The following HELZ variants were observed in gnomAD, a reference collection of about 807,000 sequenced individuals.
The protein encoded by HELZ is helicase with zinc finger.
HELZ carries 23 observed loss-of-function variants against 218.2 expected under a neutral mutation model. That is an observed-to-expected ratio of 0.11 (90% CI 0.08 to 0.15). HELZ has a LOEUF of 0.15. HELZ is among the 10% of genes least tolerant of loss of function. The pLI is 1.00. For synonymous variants in HELZ, 814 were observed against 829.4 expected (o/e 0.98, Z 0.32); for missense variants, 1,813 against 2,353.7 (o/e 0.77, Z 4.75).
intron 10 of HELZ, 61 bp from the exon 11 acceptor site, chr17:67,189,757 T>C: frequency 1.9e-6 from 2 of 1,078,812 alleles, no homozygotes; most frequent in Non-Finnish European, 2.9e-6. Context: ...CAAAATCTTT[T>C]AGCATGGAAA....
At chr17:67,091,440 A>G (rs774770179) in intron 31 of HELZ, among the ~76,000 whole-genome samples, 2 of 152,146 alleles carry the variant, frequency 1.3e-5, no homozygotes, top group Non-Finnish European at 2.9e-5. Flanking sequence ...CTCCTTTATA[A>G]AAGAAAAATA....
intron 3 of HELZ, among the ~76,000 whole-genome samples, chr17:67,235,980 TC>T (rs748910414): frequency 2.7e-4 from 41 of 152,160 alleles, no homozygotes; most frequent in Non-Finnish European, 5.6e-4. Context: ...CAGGATGGTC[TC>T]GATCTCCTGA....
At chr17:67,179,005 T>TTACATA in intron 12 of HELZ, 79 bp from the exon 13 acceptor site, 3 of 926,076 alleles carry the variant, frequency 3.2e-6, no homozygotes, top group Non-Finnish European at 4.7e-6. Flanking sequence ...CTTAACTATA[T>TTACATA]TACATATTTT....
At chr17:67,094,371 A>G (rs2036673282) in intron 31 of HELZ, among the ~76,000 whole-genome samples, 1 of 113,482 alleles carries the variant, frequency 8.8e-6, no homozygotes, top group Admixed American at 9.7e-5. Flanking sequence ...CATACCTTGG[A>G]GATATTGCAG....
At chr17:67,201,318 T>C (rs1403920327) in intron 6 of HELZ, 133 bp from the exon 7 acceptor site, 4 of 583,846 alleles carry the variant, frequency 6.9e-6, no homozygotes, top group Non-Finnish European at 6.1e-6. Context: ...TCATCACTAC[T>C]ACCATTAACG....
chr17:67,137,751 T>C (rs576812516), intron 22 of HELZ, among the ~76,000 whole-genome samples, 180 bp downstream of exon 22: 13 of 152,168 alleles, frequency 8.5e-5, no homozygotes, highest in Non-Finnish European at 1.8e-4. Flanking sequence ...TATTTGGATA[T>C]AAAAACTTAA....
Position 67,080,393 on chromosome 17 carries a change from C to T in HELZ, c.5495-1807G>A, listed in dbSNP as rs116026178. ...ATTGTGTTCTCTGCTCTTTGAAGTC[C>T]TCCTTCTTTACTTTCCTCCTCTACC... On this transcript the variant is annotated intron_variant, in intron 32 of 32. Coordinates refer to ENST00000358691, the MANE Select transcript of HELZ (RefSeq NM_014877.4). Among the ~76,000 whole-genome samples the T allele has an allele frequency of 4.0e-3, 614 of 152,146 alleles. 3 individuals are homozygous for T. The highest frequency in any genetic ancestry group is 0.013 in the African/African-American group (558 of 41,506).
At chr17:67,139,486 C>T (rs2038256342) in intron 21 of HELZ, among the ~76,000 whole-genome samples, 1 of 152,172 alleles carries the variant, frequency 6.6e-6, no homozygotes, top group Non-Finnish European at 1.5e-5. Flanking sequence ...AACACACAAC[C>T]ATTTCTGCAC....
chr17:67,102,514 C>T (rs920620060), intron 31 of HELZ, among the ~76,000 whole-genome samples: 3 of 152,160 alleles, frequency 2.0e-5, no homozygotes, highest in African/African-American at 7.2e-5. Flanking sequence ...CAGATATCAT[C>T]CCACAAGATT....
At chr17:67,094,322 G>GAA (rs538000680) in intron 31 of HELZ, among the ~76,000 whole-genome samples, 15 of 121,692 alleles carry the variant, frequency 1.2e-4, no homozygotes, top group African/African-American at 5.1e-4. Context: ...ACCTGGTCTT[G>GAA]AAAAAAAAAA....
At chr17:67,190,983 T>C (rs1598397613) in intron 9 of HELZ, among the ~76,000 whole-genome samples, 1 of 152,076 alleles carries the variant, frequency 6.6e-6, no homozygotes, top group African/African-American at 2.4e-5. Context: ...GCTGGGATTA[T>C]AGGCGTGAGC....
In HELZ at chr17:67,109,223, C is replaced by A. The variant is rs780323402; in HGVS notation, c.4382G>T (p.Gly1461Val). 6.2e-6 allele frequency: 10 copies of A among 1,613,952 alleles called. No homozygotes were observed. The highest frequency in any genetic ancestry group is 7.6e-6 in the Non-Finnish European group (9 of 1,180,034). ...EQQPPPMLQE[G>V]HSPLRAIAQP... is the part of the protein sequence containing the mutation. ...TGCAATGGCTCTCAGAGGACTGTGGCCTTCTTGCAGCATGGGAGGGGGCTG... is the reference window on the plus strand; with the variant it reads ...TGCAATGGCTCTCAGAGGACTGTGGACTTCTTGCAGCATGGGAGGGGGCTG... Residue 1461 changes from glycine to valine, a missense_variant, in exon 29 of 33, where the codon GGC (glycine) becomes GTC (valine). This residue lies in a region of HELZ where 938 missense variants were observed against 1,027.5 expected (regional missense o/e 0.91). Coordinates refer to ENST00000358691, the MANE Select transcript of HELZ (RefSeq NM_014877.4).
At chr17:67,141,441 A>C (rs1368894373) in intron 21 of HELZ, among the ~76,000 whole-genome samples, 1 of 151,712 alleles carries the variant, frequency 6.6e-6, no homozygotes, top group African/African-American at 2.4e-5. Flanking sequence ...AATTATATAA[A>C]GTAATAATTA....
At chr17:67,139,744 T>C (rs1168421790) in intron 21 of HELZ, among the ~76,000 whole-genome samples, 1 of 152,142 alleles carries the variant, frequency 6.6e-6, no homozygotes, top group African/African-American at 2.4e-5. Context: ...ACTGCCCCCT[T>C]TCCCCCACAG....
At chr17:67,092,978 A>G (rs1487024763) in intron 31 of HELZ, among the ~76,000 whole-genome samples, 2 of 152,320 alleles carry the variant, frequency 1.3e-5, no homozygotes, top group East Asian at 3.9e-4. Context: ...ATAAAAAAAA[A>G]GATAATCAAG....
chr17:67,075,785 A>C lies in HELZ; in HGVS notation c.*2467T>G, dbSNP rs1218332679. 2.0e-5 allele frequency: 3 copies of C among 152,572 alleles called. No individual in the cohort carries two copies. The highest frequency in any genetic ancestry group is 4.8e-5 in the African/African-American group (2 of 41,462). The allele number at this position is 152,572 out of a possible 1,614,324, so 9.5% of individuals were successfully genotyped here. On this transcript the variant is annotated 3_prime_UTR_variant, in exon 33 of 33. Coordinates refer to ENST00000358691, the MANE Select transcript of HELZ (RefSeq NM_014877.4). ...GATGGAAGCAGCGTTAGAATCCTTG[A>C]CTGGCTATGGAAATAAGGAATGAGA...
At chr17:67,218,090 A>G (rs2040652462) in intron 4 of HELZ, among the ~76,000 whole-genome samples, 1 of 151,638 alleles carries the variant, frequency 6.6e-6, no homozygotes, top group Non-Finnish European at 1.5e-5. Flanking sequence ...ACGCGCTACC[A>G]CGCCTGGCTA....
rs10692832 is a variant in HELZ at position 67,212,314 on chromosome 17, C to CAAAAAAAAAAAAAAAAAA, written c.247+3567_247+3584dup. Among the ~76,000 whole-genome samples, 191 of 21,404 alleles carry CAAAAAAAAAAAAAAAAAA rather than the reference C, an allele frequency of 8.9e-3. 69 individuals are homozygous for CAAAAAAAAAAAAAAAAAA. The highest frequency in any genetic ancestry group is 0.022 in the East Asian group (12 of 556). The allele number at this position is 21,404 out of a possible 152,430, so 14.0% of individuals were successfully genotyped here. A position where few individuals can be genotyped will look rare whatever the true frequency, so the allele number is the denominator to read the frequency against. The stretch of plus-strand genomic sequence containing the variant: ...TGGGCGACAGGGAGAGACACCATCT[C>CAAAAAAAAAAAAAAAAAA]AAAAAAAAAAAAAAAAAAAAAGGCT... On this transcript the variant is annotated intron_variant, in intron 5 of 32. Transcript: ENST00000358691.
chr17:67,191,163 T>C (rs2039885781), intron 9 of HELZ, among the ~76,000 whole-genome samples: 1 of 152,254 alleles, frequency 6.6e-6, no homozygotes. Flanking sequence ...TAATTACCAT[T>C]TTAAGGCTTT....
Sources: gnomAD v4.1 joint callset for allele counts (sites outside exome capture counted in the v4.1 genomes callset) on GRCh38, gnomAD v4.1.1 for gene constraint, gnomAD v4.1.1 regional missense constraint, MANE v1.5 for transcripts, NCBI Gene and HGNC (gene_info 2026-07-23, HGNC 2026-07-21) for gene names.